Variants in RBFOX1 observed in about 807,000 individuals in gnomAD.
RBFOX1 encodes RNA binding fox-1 homolog 1, also known as RNA binding protein fox-1 homolog 1.
RBFOX1 carries 8 observed loss-of-function variants against 57.7 expected under a neutral mutation model. That is an observed-to-expected ratio of 0.14 (90% CI 0.08 to 0.25). The LOEUF is 0.25. RBFOX1 is among the 10% of genes least tolerant of loss of function. RBFOX1 has a pLI of 1.00. For missense variants in RBFOX1, 611 were observed against 548.5 expected (o/e 1.11, Z -1.14); for synonymous variants, 326 against 222.4 (o/e 1.47, Z -4.15).
intron 4 of RBFOX1, among the ~76,000 whole-genome samples, chr16:7,425,460 A>G (rs1032617816): frequency 6.6e-6 from 1 of 152,200 alleles, no homozygotes; most frequent in African/African-American, 2.4e-5. Context: ...CAAAGGATGG[A>G]AACCCTTCTT....
chr16:5,950,017 A>G (rs1294467826), intron 4 of RBFOX1, among the ~76,000 whole-genome samples: 1 of 152,258 alleles, frequency 6.6e-6, no homozygotes, highest in Non-Finnish European at 1.5e-5. Context: ...ACATCACACC[A>G]GTGGGCAGTG....
Position 6,758,678 on chromosome 16 carries a change from A to T in RBFOX1, c.-16+104028A>T, listed in dbSNP as rs567901703. Among the ~76,000 whole-genome samples the T allele has an allele frequency of 6.6e-5, 10 of 152,324 alleles. No homozygotes were observed. The South Asian group carries it at 1.2e-3, about 19-fold the overall frequency. On this transcript the variant is annotated intron_variant, in intron 3 of 15. Transcript: ENST00000550418. ...TGTGTTAGTAGCAAGACACACCACC[A>T]ATTTAGTAATTTCTAATTAAAAAGA...
intron 4 of RBFOX1, among the ~76,000 whole-genome samples, chr16:5,891,033 G>A (rs780932141): frequency 9.2e-5 from 14 of 152,260 alleles, no homozygotes; most frequent in African/African-American, 3.1e-4. Flanking sequence ...GAGAAGATGC[G>A]TGCAAATCCC....
intron 3 of RBFOX1, among the ~76,000 whole-genome samples, chr16:5,774,558 C>G (rs2054085213): frequency 6.6e-6 from 1 of 152,164 alleles, no homozygotes; most frequent in Non-Finnish European, 1.5e-5. Flanking sequence ...TAGTAGTTAT[C>G]AATAGCTAAA....
chr16:6,722,988 T>A (rs907689384), intron 3 of RBFOX1, among the ~76,000 whole-genome samples: 2 of 152,140 alleles, frequency 1.3e-5, no homozygotes, highest in African/African-American at 4.8e-5. Context: ...TTTGACACTT[T>A]ATCAGTCACC....
At chr16:5,441,600 A>C (rs539686039) in intron 1 of RBFOX1, among the ~76,000 whole-genome samples, 1 of 152,202 alleles carries the variant, frequency 6.6e-6, no homozygotes, top group African/African-American at 2.4e-5. Context: ...CCTGGCCTTA[A>C]GTGATTCACC....
intron 1 of RBFOX1, among the ~76,000 whole-genome samples, chr16:5,396,596 C>T (rs765767115): frequency 6.6e-6 from 1 of 152,114 alleles, no homozygotes. Flanking sequence ...GAGCTGAGAT[C>T]ACGCCATTCC....
At chr16:6,067,143 T>C in intron 1 of RBFOX1, among the ~76,000 whole-genome samples, 1 of 152,272 alleles carries the variant, frequency 6.6e-6, no homozygotes, top group South Asian at 2.1e-4. Flanking sequence ...TTTTGTGCAT[T>C]GCTAAGTTCA....
chr16:7,431,155 G>A (rs1208425691), intron 4 of RBFOX1: 3 of 152,104 alleles, frequency 2.0e-5, no homozygotes, highest in East Asian at 1.9e-4. Flanking sequence ...AGTGTTTTGC[G>A]TGATTATCTC....
intron 2 of RBFOX1, among the ~76,000 whole-genome samples, chr16:6,506,093 G>C (rs80163596): frequency 1.3e-5 from 2 of 152,174 alleles, no homozygotes; most frequent in South Asian, 2.1e-4. Context: ...CATATATCCA[G>C]ACATGCCCTA....
intron 3 of RBFOX1, among the ~76,000 whole-genome samples, chr16:5,758,827 C>T (rs1221322422): frequency 1.3e-5 from 2 of 152,118 alleles, no homozygotes; most frequent in Non-Finnish European, 1.5e-5. Context: ...GTATGCTCCC[C>T]TAGACAGGAA....
At chr16:5,871,792 G>T (rs1049480697) in intron 4 of RBFOX1, among the ~76,000 whole-genome samples, 1 of 152,098 alleles carries the variant, frequency 6.6e-6, no homozygotes, top group Non-Finnish European at 1.5e-5. Context: ...ATGATTTCCT[G>T]TTGATACTTT....
intron 4 of RBFOX1, among the ~76,000 whole-genome samples, chr16:7,180,359 C>G (rs547402299): frequency 6.6e-6 from 1 of 152,150 alleles, no homozygotes; most frequent in African/African-American, 2.4e-5. Flanking sequence ...ACAGATACCA[C>G]ACACAAGAAA....
Position 5,785,227 on chromosome 16 carries a change from C to T in RBFOX1, c.319-82076C>T, listed in dbSNP as rs112645532. 5.7e-3 allele frequency among the ~76,000 whole-genome samples: 869 copies of T among 152,288 alleles called. 14 individuals carry two copies. The highest frequency in any genetic ancestry group is 0.019 in the African/African-American group (787 of 41,568). On this transcript the variant is annotated intron_variant, in intron 3 of 19. Coordinates refer to the RBFOX1 transcript ENST00000641259. Reference sequence around the variant, plus strand: ...TGTTCTCTTCTCAGTGAAGGCACTACCTCAGTGGGATTGCAGTATGTTCAA... The same window carrying T: ...TGTTCTCTTCTCAGTGAAGGCACTATCTCAGTGGGATTGCAGTATGTTCAA...
At chr16:5,307,425 G>A (rs964624990) in intron 1 of RBFOX1, among the ~76,000 whole-genome samples, 5 of 152,054 alleles carry the variant, frequency 3.3e-5, no homozygotes, top group Admixed American at 1.3e-4. Flanking sequence ...ACACATGCTC[G>A]TGGTGAAGTT....
At chr16:6,889,353 T>C (rs1172018282) in intron 3 of RBFOX1, among the ~76,000 whole-genome samples, 1 of 152,184 alleles carries the variant, frequency 6.6e-6, no homozygotes. Context: ...ATGTGCCTCA[T>C]TTTGCTCTCT....
intron 4 of RBFOX1, among the ~76,000 whole-genome samples, chr16:7,460,389 A>ATATATGTGTG: frequency 5.0e-4 from 44 of 87,196 alleles, no homozygotes; most frequent in African/African-American, 2.8e-3. Context: ...ATATATATAT[A>ATATATGTGTG]TGTGTGTGTG....
At chr16:7,533,788 C>T (rs556841174) in intron 5 of RBFOX1, among the ~76,000 whole-genome samples, 1 of 152,302 alleles carries the variant, frequency 6.6e-6, no homozygotes, top group African/African-American at 2.4e-5. Context: ...ATCATCTGTA[C>T]TGACCTTGAT....
chr16:5,630,469 A>G (rs1412866899), intron 3 of RBFOX1, among the ~76,000 whole-genome samples: 10 of 152,196 alleles, frequency 6.6e-5, no homozygotes, highest in Admixed American at 5.9e-4. Flanking sequence ...AAAAAAAGAA[A>G]GAAAAAAAGG....
Sources: gnomAD v4.1 joint callset for allele counts (sites outside exome capture counted in the v4.1 genomes callset) on GRCh38, gnomAD v4.1.1 for gene constraint, MANE v1.5 for transcripts, NCBI Gene and HGNC (gene_info 2026-07-23, HGNC 2026-07-21) for gene names.